Variants in PTK2B observed in about 807,000 individuals in gnomAD.
PTK2B encodes the protein protein tyrosine kinase 2 beta, also known as protein-tyrosine kinase 2-beta.
A neutral mutation model predicts 142.9 loss-of-function variants in PTK2B; 71 were observed. The observed-to-expected ratio is 0.50, with a 90% confidence interval of 0.41 to 0.61. The LOEUF (loss-of-function observed/expected upper bound fraction) is 0.61, where lower values mean the gene tolerates loss of function less well. PTK2B is among the 20% of genes least tolerant of loss of function. PTK2B has a pLI of 0.00. For missense variants in PTK2B, 1,105 were observed against 1,320.4 expected, an observed-to-expected ratio of 0.84 and a Z score of 2.53; for synonymous variants, 519 against 503.4, an observed-to-expected ratio of 1.03 and a Z score of -0.42.
chr8:27,318,737 G>A (rs1290274042), intron 3 of PTK2B, among the ~76,000 whole-genome samples: 3 of 152,092 alleles, frequency 2.0e-5, no homozygotes, highest in Admixed American at 6.5e-5. Flanking sequence ...TGCAACCTCC[G>A]CCTCCAGGGT....
At chr8:27,438,252 G>A (rs1323050385) in intron 18 of PTK2B, among the ~76,000 whole-genome samples, 1 of 152,146 alleles carries the variant, frequency 6.6e-6, no homozygotes, top group Non-Finnish European at 1.5e-5. Context: ...CTGGGCTGGA[G>A]CAGGGCCAAG....
At chr8:27,364,639 T>G (rs1805910908) in intron 1 of PTK2B, among the ~76,000 whole-genome samples, 1 of 152,224 alleles carries the variant, frequency 6.6e-6, no homozygotes, top group Non-Finnish European at 1.5e-5. Flanking sequence ...CAAGCATTAT[T>G]GACTTTCCCA....
intron 11 of PTK2B, 114 bp downstream of exon 11, chr8:27,433,666 C>T (rs1810586733): frequency 2.2e-6 from 2 of 921,348 alleles, no homozygotes; most frequent in Non-Finnish European, 3.4e-6. Context: ...GAGGATTCTT[C>T]CCCCACAGCC....
intron 1 of PTK2B, among the ~76,000 whole-genome samples, chr8:27,342,293 T>G (rs954254307): frequency 5.3e-5 from 8 of 152,040 alleles, no homozygotes; most frequent in African/African-American, 1.9e-4. Context: ...TTGTTCCTTT[T>G]TTTTTTTTCT....
At chr8:27,360,393 G>A (rs761374738) in intron 1 of PTK2B, among the ~76,000 whole-genome samples, 2 of 152,226 alleles carry the variant, frequency 1.3e-5, no homozygotes, top group African/African-American at 4.8e-5. Flanking sequence ...GATGGGAGAC[G>A]GCTGATGCTC....
rs567630792 is a variant in PTK2B, at chr8:27,393,309, C to G, written c.-37-4239C>G. On this transcript the variant is annotated intron_variant, in intron 1 of 30. Coordinates refer to ENST00000346049, the MANE Select transcript of PTK2B (RefSeq NM_173176.3). Reference sequence around the variant, plus strand: ...GAATGAGCATCCACAGCAGATGTTTCTGCTGCAAAGGGCTAAAGGGAGAAC... The same window carrying G: ...GAATGAGCATCCACAGCAGATGTTTGTGCTGCAAAGGGCTAAAGGGAGAAC... 4.6e-5 allele frequency among the ~76,000 whole-genome samples: 7 copies of G among 152,322 alleles called. No homozygotes were observed. In the South Asian group the frequency reaches 1.5e-3, roughly 32 times the overall value.
rs147983841 is a variant in PTK2B at position 27,328,942 on chromosome 8, CTT to C, written c.-38+3273_-38+3274del. Among the ~76,000 whole-genome samples the C allele has an allele frequency of 8.9e-4, 130 of 145,948 alleles. 1 individual carries two copies. In the East Asian group the frequency reaches 0.023, roughly 26 times the overall value. ...CAAGGAAGGAGCCCTTGCGTGCAAC[CTT>C]TTTTTTTTTTTGAGATGGAGTCTCA... On this transcript the variant is annotated intron_variant, in intron 1 of 30. Transcript: ENST00000346049.
At chr8:27,437,564 C>G in intron 17 of PTK2B, 68 bp downstream of exon 17, 1 of 1,346,894 alleles carries the variant, frequency 7.4e-7, no homozygotes, top group Middle Eastern at 1.9e-4. Flanking sequence ...ACAGCCCATT[C>G]CTCCCAGCTT....
At chr8:27,361,506 G>A (rs1805703253) in intron 1 of PTK2B, among the ~76,000 whole-genome samples, 1 of 152,188 alleles carries the variant, frequency 6.6e-6, no homozygotes, top group Non-Finnish European at 1.5e-5. Flanking sequence ...TTACAGGCAT[G>A]AGCCACCGCA....
chr8:27,375,161 C>T (rs1230550788), intron 1 of PTK2B, among the ~76,000 whole-genome samples: 1 of 152,188 alleles, frequency 6.6e-6, no homozygotes, highest in Non-Finnish European at 1.5e-5. Flanking sequence ...ATGAGGAGGA[C>T]ATGGGCTCAG....
intron 1 of PTK2B, among the ~76,000 whole-genome samples, chr8:27,390,027 G>T (rs2131293751): frequency 6.6e-6 from 1 of 152,366 alleles, no homozygotes; most frequent in South Asian, 2.1e-4. Context: ...AAGGGGAAGT[G>T]ATTCAGAGGC....
intron 1 of PTK2B, among the ~76,000 whole-genome samples, chr8:27,358,585 A>T (rs1310508831): frequency 6.6e-6 from 1 of 152,280 alleles, no homozygotes; most frequent in South Asian, 2.1e-4. Context: ...AACTACAGAT[A>T]GCTGGATTTT....
Position 27,422,366 on chromosome 8 carries a change from G to A in PTK2B, c.534G>A (p.Leu178=), listed in dbSNP as rs11991368. The part of the protein sequence containing the change: ...SKVSEGMALQ[L]GCLELRRFFK... Reference sequence around the variant, plus strand: ...TCAGCGAGGGCATGGCCCTGCAGCTGGGCTGCCTGGAGCTCAGGTATGTGG... The same window carrying A: ...TCAGCGAGGGCATGGCCCTGCAGCTAGGCTGCCTGGAGCTCAGGTATGTGG... The change falls in exon 5 of 31, where the codon CTG becomes CTA. Residue 178 remains leucine (L), a synonymous_variant. Coordinates refer to ENST00000346049, the MANE Select transcript of PTK2B (RefSeq NM_173176.3). 2,887 of 1,613,190 alleles carry A rather than the reference G, an allele frequency of 1.8e-3. 41 individuals carry two copies. The African/African-American group carries it at 0.033, about 19-fold the overall frequency.
At chr8:27,431,139 C>A in intron 8 of PTK2B, 123 bp downstream of exon 8, 1 of 1,497,404 alleles carries the variant, frequency 6.7e-7, no homozygotes, top group Non-Finnish European at 9.0e-7. Flanking sequence ...AGCAGGACCT[C>A]GCTGACCTGC....
chr8:27,421,032 A>G (rs1809715368), intron 4 of PTK2B, among the ~76,000 whole-genome samples: 1 of 152,210 alleles, frequency 6.6e-6, no homozygotes, highest in Non-Finnish European at 1.5e-5. Flanking sequence ...CAGGTCCAAG[A>G]TGAATCCTGC....
chr8:27,316,684 T>C (rs1803102649), intron 3 of PTK2B, among the ~76,000 whole-genome samples: 2 of 152,228 alleles, frequency 1.3e-5, no homozygotes, highest in South Asian at 2.1e-4. Flanking sequence ...TGTAGTCCGA[T>C]GTACCTTTAC....
chr8:27,410,771 A>G (rs1182293792), intron 2 of PTK2B, among the ~76,000 whole-genome samples: 2 of 152,228 alleles, frequency 1.3e-5, no homozygotes, highest in South Asian at 2.1e-4. Flanking sequence ...GAGACAAGCC[A>G]TCCGGTCCTG....
intron 1 of PTK2B, among the ~76,000 whole-genome samples, chr8:27,342,529 G>C (rs1361925237): frequency 6.6e-6 from 1 of 152,094 alleles, no homozygotes; most frequent in Non-Finnish European, 1.5e-5. Flanking sequence ...CTGACGACTT[G>C]GTTGGCTTCC....
chr8:27,419,784 C>T, intron 2 of PTK2B, 111 bp from the exon 3 acceptor site: 2 of 1,161,132 alleles, frequency 1.7e-6, no homozygotes, highest in Non-Finnish European at 2.4e-6. Context: ...ACAAATCGAA[C>T]ATGAAGACAG....
Sources: gnomAD v4.1 joint callset for allele counts (sites outside exome capture counted in the v4.1 genomes callset) on GRCh38, gnomAD v4.1.1 for gene constraint, MANE v1.5 for transcripts, NCBI Gene and HGNC (gene_info 2026-07-23, HGNC 2026-07-21) for gene names.